Variants in PEBP4 observed in about 807,000 individuals in gnomAD.
PEBP4 encodes the protein phosphatidylethanolamine binding protein 4.
PEBP4 carries 22 observed loss-of-function variants against 23.9 expected under a neutral mutation model. The ratio of observed to expected loss-of-function variants is 0.92; its 90% confidence interval spans 0.66 to 1.31. The LOEUF (loss-of-function observed/expected upper bound fraction) is 1.31. PEBP4 is among the 40% of genes most tolerant of loss of function. The pLI is 0.00. For missense variants in PEBP4, 324 were observed against 281.7 expected (o/e 1.15, Z -1.07); for synonymous variants, 112 against 99.3 (o/e 1.13, Z -0.76).
intron 4 of PEBP4, among the ~76,000 whole-genome samples, chr8:22,759,634 G>A (rs949013562): frequency 6.6e-6 from 1 of 152,184 alleles, no homozygotes; most frequent in Non-Finnish European, 1.5e-5. Flanking sequence ...TCTGCCATGG[G>A]TTCAAGTTGC....
chr8:22,752,485 G>A (rs767386610), intron 4 of PEBP4, among the ~76,000 whole-genome samples: 56 of 152,206 alleles, frequency 3.7e-4, no homozygotes, highest in Non-Finnish European at 8.8e-5. Context: ...CTTGGTTAAC[G>A]GGTTTCCAGC....
chr8:22,839,264 T>A (rs1156534559), intron 3 of PEBP4, among the ~76,000 whole-genome samples: 2 of 151,980 alleles, frequency 1.3e-5, no homozygotes, highest in East Asian at 1.9e-4. Flanking sequence ...CAGCCCCAGT[T>A]GAGGTGGGTG....
chr8:22,901,164 G>A (rs903587558), intron 3 of PEBP4, among the ~76,000 whole-genome samples: 1 of 152,152 alleles, frequency 6.6e-6, no homozygotes, highest in Admixed American at 6.6e-5. Context: ...TCCACGGACA[G>A]GCCTGGCTCC....
chr8:22,897,856 T>G (rs1488407117), intron 3 of PEBP4: 1 of 152,114 alleles, frequency 6.6e-6, no homozygotes, highest in Non-Finnish European at 1.5e-5. Flanking sequence ...GTGATGGTAT[T>G]TGGAGGTGGG....
chr8:22,841,111 C>T (rs1024159179), intron 3 of PEBP4, among the ~76,000 whole-genome samples: 1 of 152,252 alleles, frequency 6.6e-6, no homozygotes, highest in South Asian at 2.1e-4. Flanking sequence ...TCAGCACTAT[C>T]ATCTCCATTT....
chr8:22,864,621 G>C (rs1419741242), intron 3 of PEBP4, among the ~76,000 whole-genome samples: 1 of 152,164 alleles, frequency 6.6e-6, no homozygotes, highest in East Asian at 1.9e-4. Context: ...CGGAGGAAGC[G>C]GCTTCCATTC....
intron 4 of PEBP4, among the ~76,000 whole-genome samples, chr8:22,731,868 G>A (rs1193721215): frequency 6.6e-6 from 1 of 151,208 alleles, no homozygotes; most frequent in African/African-American, 2.4e-5. Flanking sequence ...GTAGAGACGG[G>A]GTTTCACCGT....
intron 3 of PEBP4, chr8:22,885,999 C>G (rs76435964): frequency 6.6e-6 from 1 of 152,162 alleles, no homozygotes; most frequent in African/African-American, 2.4e-5. Flanking sequence ...CATGGAATTA[C>G]GGGTTAAGGA....
chr8:22,728,609 TTCCC>T lies in PEBP4; in HGVS notation c.358-1393_358-1390del, dbSNP rs1270140687. Among the ~76,000 whole-genome samples the T allele has an allele frequency of 3.2e-3, 363 of 115,064 alleles. 2 individuals carry two copies. The highest frequency in any genetic ancestry group is 0.015 in the South Asian group (50 of 3,276). The allele number at this position is 115,064 out of a possible 152,430, so 75.5% of individuals were successfully genotyped here. A position where few individuals can be genotyped will look rare whatever the true frequency, so the allele number is the denominator to read the frequency against. ...CTTCCTTCCTTCCTTCCTTCCTTCC[TTCCC>T]TTTTTTTGGAGTCTCGCTCTGTCAT... On this transcript the variant is annotated intron_variant, in intron 4 of 6. Transcript: ENST00000256404.
intron 1 of PEBP4, among the ~76,000 whole-genome samples, chr8:22,935,480 C>T (rs1433323600): frequency 3.3e-5 from 5 of 152,260 alleles, no homozygotes; most frequent in East Asian, 1.9e-4. Context: ...GAGCTGAGAT[C>T]GCTCCACTGC....
chr8:22,821,325 C>G (rs955546486), intron 3 of PEBP4, among the ~76,000 whole-genome samples: 2 of 152,172 alleles, frequency 1.3e-5, no homozygotes, highest in African/African-American at 4.8e-5. Flanking sequence ...ACAGGGATTT[C>G]CATTCAAATA....
At chr8:22,779,578 C>T (rs775465887) in intron 4 of PEBP4, among the ~76,000 whole-genome samples, 1 of 152,098 alleles carries the variant, frequency 6.6e-6, no homozygotes, top group Non-Finnish European at 1.5e-5. Flanking sequence ...GTGCCGTGGT[C>T]CCCCGACTCT....
chr8:22,875,633 C>T (rs1321212763), intron 3 of PEBP4, among the ~76,000 whole-genome samples: 1 of 152,150 alleles, frequency 6.6e-6, no homozygotes, highest in East Asian at 1.9e-4. Flanking sequence ...GACTTAGTCC[C>T]CTGTCGTCTG....
intron 4 of PEBP4, among the ~76,000 whole-genome samples, chr8:22,751,073 C>T (rs1374788220): frequency 6.6e-6 from 1 of 152,294 alleles, no homozygotes; most frequent in East Asian, 1.9e-4. Flanking sequence ...CTCTCGGCTC[C>T]AACACACCTT....
At chr8:22,769,579 A>G (rs1805677638) in intron 4 of PEBP4, among the ~76,000 whole-genome samples, 1 of 151,928 alleles carries the variant, frequency 6.6e-6, no homozygotes, top group South Asian at 2.1e-4. Context: ...CAGCCTAGAG[A>G]GGAATAGAAC....
chr8:22,735,751 C>T (rs756599659), intron 4 of PEBP4, among the ~76,000 whole-genome samples: 5 of 152,218 alleles, frequency 3.3e-5, no homozygotes, highest in Non-Finnish European at 5.9e-5. Context: ...ACACTGCCCA[C>T]GTGGCAGGTC....
At chr8:22,714,035 C>T (rs1487843906) in intron 6 of PEBP4, among the ~76,000 whole-genome samples, 3 of 152,236 alleles carry the variant, frequency 2.0e-5, no homozygotes, top group African/African-American at 7.2e-5. Context: ...CAATCTTCTC[C>T]CCTAAACCCC....
At chr8:22,740,366 C>G (rs1388770097) in intron 4 of PEBP4, among the ~76,000 whole-genome samples, 1 of 152,192 alleles carries the variant, frequency 6.6e-6, no homozygotes, top group Non-Finnish European at 1.5e-5. Flanking sequence ...GACCCAGTCC[C>G]CCAGCCCCTC....
intron 3 of PEBP4, among the ~76,000 whole-genome samples, chr8:22,867,705 C>T (rs967409340): frequency 3.9e-5 from 6 of 152,300 alleles, no homozygotes; most frequent in East Asian, 1.9e-4. Context: ...GCAGCTTCTC[C>T]GCAGATTCTG....
Sources: gnomAD v4.1 joint callset for allele counts (sites outside exome capture counted in the v4.1 genomes callset) on GRCh38, gnomAD v4.1.1 for gene constraint, MANE v1.5 for transcripts, NCBI Gene and HGNC (gene_info 2026-07-23, HGNC 2026-07-21) for gene names.